Variants in RSPH6A observed in about 807,000 individuals in gnomAD.
RSPH6A encodes the protein radial spoke head protein 6 homolog A.
In RSPH6A, 49 loss-of-function variants were observed where a neutral mutation model predicts 66.1. That is an observed-to-expected ratio of 0.74 (90% CI 0.59 to 0.94). The LOEUF (loss-of-function observed/expected upper bound fraction) is 0.94, where lower values mean the gene tolerates loss of function less well. Ranked by LOEUF, RSPH6A falls within the 40% of genes least tolerant of loss-of-function variation. RSPH6A has a pLI of 0.00. For synonymous variants in RSPH6A, 419 were observed against 402.4 expected (o/e 1.04, Z -0.49); for missense variants, 977 against 948.3 (o/e 1.03, Z -0.40).
chr19:45,811,142 C>T (rs796082467), intron 1 of RSPH6A, among the ~76,000 whole-genome samples: 14 of 151,934 alleles, frequency 9.2e-5, no homozygotes, highest in African/African-American at 3.1e-4. Flanking sequence ...TATAGGCGCC[C>T]GCCACCACGC....
At chr19:45,813,426 C>T (rs1469627813) in intron 1 of RSPH6A, among the ~76,000 whole-genome samples, 1 of 152,122 alleles carries the variant, frequency 6.6e-6, no homozygotes, top group Non-Finnish European at 1.5e-5. Flanking sequence ...TCACTGCAAC[C>T]TCTGCCGCCC....
intron 2 of RSPH6A, among the ~76,000 whole-genome samples, chr19:45,808,276 A>C (rs1970572360): frequency 6.6e-6 from 1 of 152,138 alleles, no homozygotes; most frequent in Non-Finnish European, 1.5e-5. Flanking sequence ...AAAATACAAC[A>C]AATTAGCCAG....
In RSPH6A at chr19:45,804,091, G is replaced by A. The variant is rs1385718982; in HGVS notation, c.1653+161C>T. On this transcript the variant is annotated intron_variant, in intron 3 of 5. Transcript: ENST00000221538. The surrounding 1 kb of genome is among the most constrained non-coding windows in gnomAD (Gnocchi z 5.8). Reference sequence around the variant, plus strand: ...CTCTGTCCCCAAAGGTTTCTGATGGGATTATCCGCTAATATCTGTTGAACC... The same window carrying A: ...CTCTGTCCCCAAAGGTTTCTGATGGAATTATCCGCTAATATCTGTTGAACC... Among the ~76,000 whole-genome samples, 1 of 152,260 alleles carries A rather than the reference G, an allele frequency of 6.6e-6. No individual in the cohort carries two copies. The highest frequency in any genetic ancestry group is 2.4e-5 in the African/African-American group (1 of 41,562).
chr19:45,802,885 G>A (rs1294163647), intron 3 of RSPH6A, among the ~76,000 whole-genome samples: 1 of 150,478 alleles, frequency 6.6e-6, no homozygotes, highest in Non-Finnish European at 1.5e-5. Flanking sequence ...GTGGCTCACT[G>A]AAAGCTCCGC....
chr19:45,800,801 T>TTTTTTTTTTCGCTCTC (rs1970464932), intron 4 of RSPH6A, among the ~76,000 whole-genome samples: 1 of 69,116 alleles, frequency 1.4e-5, no homozygotes. Flanking sequence ...CGCTCTCTTT[T>TTTTTTTTTTCGCTCTC]TTTTTTTTTT....
intron 4 of RSPH6A, among the ~76,000 whole-genome samples, chr19:45,801,667 G>A (rs1970475559): frequency 6.6e-6 from 1 of 152,160 alleles, no homozygotes; most frequent in Non-Finnish European, 1.5e-5. Context: ...GGCTGAGACG[G>A]GAGAATTGCA....
chr19:45,804,795 C>T lies in RSPH6A; in HGVS notation c.1110G>A (p.Glu370=). 2 of 1,613,842 alleles carry T rather than the reference C, an allele frequency of 1.2e-6. No individual in the cohort carries two copies. Among genetic ancestry groups the T allele is most frequent in the Non-Finnish European group, 8.5e-7 (1 of 1,179,868 alleles). The change falls in exon 3 of 6, where the codon GAG becomes GAA. Residue 370 remains glutamate (E), a synonymous_variant. Coordinates refer to ENST00000221538, the MANE Select transcript of RSPH6A (RefSeq NM_030785.4). This position sits in a 1 kb window ranked among gnomAD's most constrained non-coding sequence, Gnocchi z 5.8. ...CCGTCATCTCCTCCACCTCCTCCTC[C>T]TCTGCCTCCTCCTCGCCCTCCCGGA... ...VEFREGEEEA[E]EEEVEEMTEG... is the part of the protein sequence containing the mutation.
chr19:45,806,850 A>T (rs1463658755), intron 2 of RSPH6A, among the ~76,000 whole-genome samples: 1 of 151,928 alleles, frequency 6.6e-6, no homozygotes, highest in African/African-American at 2.4e-5. Flanking sequence ...GCTGTCCCCA[A>T]CACTTTATTA....
chr19:45,802,360 C>T, intron 3 of RSPH6A, 96 bp from the exon 4 acceptor site: 2 of 1,142,066 alleles, frequency 1.8e-6, no homozygotes, highest in Non-Finnish European at 1.1e-6. Flanking sequence ...ATAGCCTTGT[C>T]CTCAGAGACC....
chr19:45,811,122 T>C (rs74734443), intron 1 of RSPH6A, among the ~76,000 whole-genome samples: 1 of 151,762 alleles, frequency 6.6e-6, no homozygotes, highest in Non-Finnish European at 1.5e-5. Flanking sequence ...GCCTCCCGAG[T>C]AGCTGGGATT....
In RSPH6A at chr19:45,804,648, G is replaced by C. The variant is rs950299024; in HGVS notation, c.1257C>G (p.Ser419Arg). The change falls in exon 3 of 6, where the codon AGC becomes AGG. Residue 419 changes from serine to arginine, a missense_variant. Physicochemically the swap from Ser to Arg is moderately radical, Grantham distance 110. Coordinates refer to ENST00000221538, the MANE Select transcript of RSPH6A (RefSeq NM_030785.4). This position sits in a 1 kb window ranked among gnomAD's most constrained non-coding sequence, Gnocchi z 5.8. Reference protein sequence around the residue: ...KPPPVIPKEESRSGANKYLYF... With the variant: ...KPPPVIPKEERRSGANKYLYF... ...ACAGGTACTTGTTGGCGCCTGAGCGGCTCTCCTCCTTGGGGATCACGGGCG... is the reference window on the plus strand; with the variant it reads ...ACAGGTACTTGTTGGCGCCTGAGCGCCTCTCCTCCTTGGGGATCACGGGCG... 6.2e-7 allele frequency: 1 copy of C among 1,613,954 alleles called. No individual in the cohort carries two copies. The highest frequency in any genetic ancestry group is 8.5e-7 in the Non-Finnish European group (1 of 1,180,036).
In RSPH6A at chr19:45,810,830, G is replaced by A. The variant is rs1268317588; in HGVS notation, c.661C>T (p.Leu221=). Reference sequence around the variant, plus strand: ...AGGATCTTGGTCAGCAGATTCACCAGGTGCTCGTACCTGCCTCCCGCAGGA... The same window carrying A: ...AGGATCTTGGTCAGCAGATTCACCAAGTGCTCGTACCTGCCTCCCGCAGGA... ...INCDLSLYEH[L]VNLLTKILNQ... is the part of the protein sequence containing the mutation. Residue 221 remains leucine, a synonymous_variant, in exon 2 of 6, where the codon CTG becomes TTG. Transcript: ENST00000221538. The A allele has an allele frequency of 1.2e-5, 19 of 1,609,354 alleles. No individual in the cohort carries two copies. The highest frequency in any genetic ancestry group is 1.5e-5 in the Non-Finnish European group (18 of 1,176,394).
At chr19:45,803,210 G>GAAAAAA (rs537694212) in intron 3 of RSPH6A, among the ~76,000 whole-genome samples, 7 of 104,086 alleles carry the variant, frequency 6.7e-5, no homozygotes, top group South Asian at 3.4e-4. Context: ...CTCCGTCTCA[G>GAAAAAA]AAAAAAAAAA....
At position 45,810,327 on chromosome 19, in the gene RSPH6A, C is replaced by T. The variant is rs148417867; in HGVS notation, c.888+276G>A. Among the ~76,000 whole-genome samples, 351 of 152,130 alleles carry T rather than the reference C, an allele frequency of 2.3e-3. 2 individuals carry two copies. Among genetic ancestry groups the T allele is most frequent in the African/African-American group, 8.1e-3 (334 of 41,490 alleles). On this transcript the variant is annotated intron_variant, in intron 2 of 5. Coordinates refer to ENST00000221538, the MANE Select transcript of RSPH6A (RefSeq NM_030785.4). Reference sequence around the variant, plus strand: ...CTGGGACTGCATGTGCCTGCTGCCACGCTTGGCTAATTTCTTATATTTTTA... The same window carrying T: ...CTGGGACTGCATGTGCCTGCTGCCATGCTTGGCTAATTTCTTATATTTTTA...
At chr19:45,805,429 C>T (rs1453451026) in intron 2 of RSPH6A, among the ~76,000 whole-genome samples, 2 of 151,738 alleles carry the variant, frequency 1.3e-5, no homozygotes, top group African/African-American at 2.4e-5. Flanking sequence ...TGGTGGCTCA[C>T]GCCTGAAATC....
chr19:45,807,248 C>T (rs749959710), intron 2 of RSPH6A, among the ~76,000 whole-genome samples: 27 of 151,692 alleles, frequency 1.8e-4, no homozygotes, highest in Non-Finnish European at 2.9e-4. Context: ...CAGAGTCTTG[C>T]TCTGTCGCCC....
At chr19:45,809,546 C>T (rs780488341) in intron 2 of RSPH6A, among the ~76,000 whole-genome samples, 3 of 151,976 alleles carry the variant, frequency 2.0e-5, no homozygotes, top group East Asian at 1.9e-4. Flanking sequence ...GTGAACCACC[C>T]GCCTCAGCCT....
chr19:45,805,118 C>T (rs1167713920), intron 2 of RSPH6A, 102 bp from the exon 3 acceptor site: 20 of 1,020,424 alleles, frequency 2.0e-5, no homozygotes, highest in South Asian at 1.3e-4. Flanking sequence ...TAAAAGAGGC[C>T]GGGTGCAGTG....
intron 1 of RSPH6A, among the ~76,000 whole-genome samples, chr19:45,813,691 A>G (rs1360261160): frequency 6.6e-6 from 1 of 151,838 alleles, no homozygotes; most frequent in Non-Finnish European, 1.5e-5. Flanking sequence ...AGCCTCCCTT[A>G]TTTTTCACCT....
Sources: gnomAD v4.1 joint callset for allele counts (sites outside exome capture counted in the v4.1 genomes callset) on GRCh38, gnomAD v4.1.1 for gene constraint, Gnocchi (gnomAD v3.1) non-coding constraint, MANE v1.5 for transcripts, NCBI Gene and HGNC (gene_info 2026-07-23, HGNC 2026-07-21) for gene names.